NKD1: variants seen among roughly 807,000 people sequenced by gnomAD.
NKD1 encodes the protein NKD inhibitor of Wnt signaling pathway 1, also known as protein naked cuticle homolog 1.
In NKD1, 21 loss-of-function variants were observed where a neutral mutation model predicts 56.0. The observed-to-expected ratio is 0.38, with a 90% CI of 0.27 to 0.54. The LOEUF (loss-of-function observed/expected upper bound fraction) is 0.54. NKD1 is among the 20% of genes least tolerant of loss of function. The probability of loss-of-function intolerance (pLI) is 0.82; values close to 1 mark genes in which losing one functional copy is unlikely to be tolerated. For missense variants in NKD1, 578 were observed against 642.7 expected (o/e 0.90, Z 1.09); for synonymous variants, 263 against 265.7 (o/e 0.99, Z 0.10).
chr16:50,608,869 C>A (rs1450121238), intron 4 of NKD1, among the ~76,000 whole-genome samples: 1 of 152,152 alleles, frequency 6.6e-6, no homozygotes, highest in Non-Finnish European at 1.5e-5. Context: ...GCTCTGTCAC[C>A]CAGGCTGGAG....
rs1962436915 is a variant in NKD1, at chr16:50,635,041, AC to A, written c.*1261del. 6.6e-6 allele frequency: 1 copy of A among 152,264 alleles called. No homozygotes were observed. Among genetic ancestry groups the A allele is most frequent in the African/African-American group, 2.4e-5 (1 of 41,454 alleles). The allele number at this position is 152,264 out of a possible 1,614,324, so 9.4% of individuals were successfully genotyped here. ...CCAGGGTCTCAGAGAAAAGCAGATT[AC>A]ACACTCAAATTGGGTAATTTGAGCA... On this transcript the variant is annotated 3_prime_UTR_variant, in exon 10 of 10. Transcript: ENST00000268459. This position sits in a 1 kb window ranked among gnomAD's most constrained non-coding sequence, Gnocchi z 4.1.
At chr16:50,580,250 A>G (rs774169159) in intron 3 of NKD1, among the ~76,000 whole-genome samples, 1 of 152,248 alleles carries the variant, frequency 6.6e-6, no homozygotes, top group African/African-American at 2.4e-5. Context: ...TCATGACACC[A>G]TGATGGATCC....
chr16:50,548,653 C>T, intron 1 of NKD1, 64 bp from the exon 2 acceptor site: 1 of 1,467,628 alleles, frequency 6.8e-7, no homozygotes, highest in South Asian at 1.3e-5. Context: ...CTCTCCCTTC[C>T]TTTCTTTCCT....
Position 50,548,884 on chromosome 16 carries a change from C to CAG in NKD1, c.58+135_58+136insAG, listed in dbSNP as rs1327875007. ...AGTTCCGGCCACCGGCCCCCCAAGC[C>CAG]CGCTCCCTGAGCAGCCTTCGCGCCC... is the stretch of plus-strand genomic sequence containing the variant. On this transcript the variant is annotated intron_variant, in intron 2 of 9. Coordinates refer to ENST00000268459, the MANE Select transcript of NKD1 (RefSeq NM_033119.5). 13 of 1,143,774 alleles carry CAG rather than the reference C, an allele frequency of 1.1e-5. No homozygotes were observed. In the Admixed American group the frequency reaches 1.3e-4, roughly 11 times the overall value. 70.9% of individuals were successfully genotyped at this position (1,143,774 alleles called of 1,614,324 possible). A position where few individuals can be genotyped will look rare whatever the true frequency, so the allele number is the denominator to read the frequency against.
chr16:50,556,765 G>A (rs1960513472), intron 3 of NKD1: 1 of 148,576 alleles, frequency 6.7e-6, no homozygotes, highest in African/African-American at 2.5e-5. Flanking sequence ...TTAGAGACAG[G>A]GACTCACTGT....
At chr16:50,571,392 G>A in intron 3 of NKD1, 1 of 702,838 alleles carries the variant, frequency 1.4e-6, no homozygotes, top group Non-Finnish European at 1.7e-6. Context: ...TTGTGCACAT[G>A]GAGGCTTTGG....
intron 3 of NKD1, among the ~76,000 whole-genome samples, chr16:50,566,559 C>T (rs1271361833): frequency 6.6e-6 from 1 of 152,244 alleles, no homozygotes; most frequent in East Asian, 1.9e-4. Flanking sequence ...CCTTGAACCT[C>T]CCTAATGAGA....
At chr16:50,610,389 C>G (rs898130219) in intron 4 of NKD1, among the ~76,000 whole-genome samples, 1 of 152,218 alleles carries the variant, frequency 6.6e-6, no homozygotes, top group Non-Finnish European at 1.5e-5. Flanking sequence ...CTGTGGTCCT[C>G]TGGCACCCTT....
intron 3 of NKD1, among the ~76,000 whole-genome samples, chr16:50,593,000 A>G (rs1961402112): frequency 6.6e-6 from 1 of 152,144 alleles, no homozygotes. Context: ...ATAAGTACCT[A>G]TGTTTATCTC....
rs1962563746 is a variant in NKD1 at position 50,640,759 on chromosome 16, A to C, written c.*6978A>C. On this transcript the variant is annotated 3_prime_UTR_variant, in exon 10 of 10. Coordinates refer to ENST00000268459, the MANE Select transcript of NKD1 (RefSeq NM_033119.5). ...AAGCAACACATCATCGCCAACTTTT[A>C]ATTTTGCTAAATAAGGATATTAGAA... 6.6e-6 allele frequency: 1 copy of C among 152,224 alleles called. No individual in the cohort carries two copies. The highest frequency in any genetic ancestry group is 2.1e-4 in the South Asian group (1 of 4,832). 9.4% of individuals were successfully genotyped at this position (152,224 alleles called of 1,614,324 possible).
At chr16:50,586,194 T>G (rs1961226003) in intron 3 of NKD1, among the ~76,000 whole-genome samples, 1 of 152,028 alleles carries the variant, frequency 6.6e-6, no homozygotes. Flanking sequence ...CCCAACAAAG[T>G]TTTTTCATTT....
chr16:50,548,802 C>T (rs1228896656), intron 2 of NKD1, 53 bp downstream of exon 2: 7 of 1,348,386 alleles, frequency 5.2e-6, no homozygotes, highest in Non-Finnish European at 1.9e-6. Context: ...GACACCGCGG[C>T]CGCGGCAGAA....
chr16:50,588,815 G>T (rs539855411), intron 3 of NKD1, among the ~76,000 whole-genome samples: 12 of 151,844 alleles, frequency 7.9e-5, no homozygotes, highest in Non-Finnish European at 1.5e-4. Flanking sequence ...TGTTGGCCAG[G>T]CTGGTCTCAA....
rs2151281986 is a variant in NKD1 at position 50,634,542 on chromosome 16, G to A, written c.*761G>A. The A allele has an allele frequency of 6.6e-6, 1 of 152,448 alleles. No homozygotes were observed. Among genetic ancestry groups the A allele is most frequent in the Middle Eastern group, 3.4e-3 (1 of 294 alleles). The allele number at this position is 152,448 out of a possible 1,614,324, so 9.4% of individuals were successfully genotyped here. A position where few individuals can be genotyped will look rare whatever the true frequency, so the allele number is the denominator to read the frequency against. Reference sequence around the variant, plus strand: ...CTCATTTTGGAAACTGCTAGGGAGGGAACCAACCACTTAAACAAGCGTGGT... The same window carrying A: ...CTCATTTTGGAAACTGCTAGGGAGGAAACCAACCACTTAAACAAGCGTGGT... On this transcript the variant is annotated 3_prime_UTR_variant, in exon 10 of 10. Transcript: ENST00000268459.
chr16:50,560,807 C>T (rs191135466), intron 3 of NKD1, among the ~76,000 whole-genome samples: 1 of 138,472 alleles, frequency 7.2e-6, no homozygotes, highest in Non-Finnish European at 1.6e-5. Context: ...ACTTTACACA[C>T]ACCTATACCC....
At chr16:50,572,998 C>T (rs1048384166) in intron 3 of NKD1, 21 of 378,150 alleles carry the variant, frequency 5.6e-5, no homozygotes, top group African/African-American at 8.8e-5. Context: ...ATGTAGGCAA[C>T]TTTCCTAATG....
At chr16:50,573,295 G>T (rs767697772) in intron 3 of NKD1, among the ~76,000 whole-genome samples, 1 of 152,236 alleles carries the variant, frequency 6.6e-6, no homozygotes, top group East Asian at 1.9e-4. Flanking sequence ...CTGGTCTCCA[G>T]GTGGCTGAAT....
chr16:50,642,203 A>C lies in NKD1; in HGVS notation c.*8422A>C, dbSNP rs1163592873. The C allele has an allele frequency of 6.6e-6, 1 of 152,302 alleles. No individual in the cohort carries two copies. Among genetic ancestry groups the C allele is most frequent in the African/African-American group, 2.4e-5 (1 of 41,466 alleles). The allele number at this position is 152,302 out of a possible 1,614,324, so 9.4% of individuals were successfully genotyped here. On this transcript the variant is annotated 3_prime_UTR_variant, in exon 10 of 10. Coordinates refer to ENST00000268459, the MANE Select transcript of NKD1 (RefSeq NM_033119.5). ...GGGGACGGGAACTCCCCGAGTGGCC[A>C]CATGGGCAGTCTCAGTAGGAGTCTC...
chr16:50,610,653 A>G (rs1457936286), intron 4 of NKD1, among the ~76,000 whole-genome samples: 9 of 152,226 alleles, frequency 5.9e-5, no homozygotes, highest in African/African-American at 2.2e-4. Context: ...GAGCTGTTTA[A>G]GAGAGAAAAA....
Sources: allele counts gnomAD v4.1 joint callset (sites outside exome capture counted in the v4.1 genomes callset), GRCh38; gene constraint gnomAD v4.1.1; non-coding constraint Gnocchi (gnomAD v3.1); transcripts MANE v1.5; gene names NCBI Gene and HGNC (gene_info 2026-07-23, HGNC 2026-07-21).